Variants in GABBR2 observed in about 807,000 individuals in gnomAD.
GABBR2 encodes G-protein coupled receptor 51.
In GABBR2, 23 loss-of-function variants were observed where a neutral mutation model predicts 105.6. That is an observed-to-expected ratio of 0.22 (90% confidence interval 0.16 to 0.31). The LOEUF is 0.31. GABBR2 is among the 10% of genes least tolerant of loss of function. The probability of loss-of-function intolerance (pLI) is 1.00; values close to 1 mark genes in which losing one functional copy is unlikely to be tolerated. For synonymous variants in GABBR2, 478 were observed against 499.7 expected (o/e 0.96, Z 0.58); for missense variants, 734 against 1,245.5 (o/e 0.59, Z 6.18).
intron 13 of GABBR2, among the ~76,000 whole-genome samples, chr9:98,344,717 G>A (rs1831275109): frequency 1.3e-5 from 2 of 152,144 alleles, no homozygotes; most frequent in South Asian, 4.1e-4. Context: ...GCGCATGGCT[G>A]TTTAATCACT....
intron 1 of GABBR2, among the ~76,000 whole-genome samples, chr9:98,637,475 T>C (rs1462393921): frequency 6.6e-6 from 1 of 152,074 alleles, no homozygotes; most frequent in Non-Finnish European, 1.5e-5. Context: ...TAGATGGCAA[T>C]GGGGAATTAG....
In GABBR2 at chr9:98,528,623, A is replaced by G. The variant is rs979325720; in HGVS notation, c.630+13250T>C. Among the ~76,000 whole-genome samples, 21 of 152,176 alleles carry G rather than the reference A, an allele frequency of 1.4e-4. 1 individual carries two copies. The highest frequency in any genetic ancestry group is 2.0e-4 in the Admixed American group (3 of 15,272). ...GAGCTCTTATAAATCAGTAAAAAAA[A>G]GAACAGTCTAATGGGAAAAAGTGCC... On this transcript the variant is annotated intron_variant, in intron 3 of 18. Coordinates refer to ENST00000259455, the MANE Select transcript of GABBR2 (RefSeq NM_005458.8).
chr9:98,417,997 T>C (rs1213449231), intron 7 of GABBR2, among the ~76,000 whole-genome samples: 1 of 151,450 alleles, frequency 6.6e-6, no homozygotes, highest in Non-Finnish European at 1.5e-5. Context: ...GTGGTGTGCA[T>C]GGGGTGGAGG....
chr9:98,473,590 A>G (rs1237468401), intron 5 of GABBR2, among the ~76,000 whole-genome samples: 1 of 152,202 alleles, frequency 6.6e-6, no homozygotes, highest in African/African-American at 2.4e-5. Context: ...AATATAAATT[A>G]TGTTTCCTGA....
chr9:98,505,843 T>C (rs904394469), intron 3 of GABBR2, among the ~76,000 whole-genome samples: 1 of 152,156 alleles, frequency 6.6e-6, no homozygotes, highest in Admixed American at 6.5e-5. Context: ...ACACCTTCAT[T>C]TAGGACCTCT....
intron 2 of GABBR2, among the ~76,000 whole-genome samples, chr9:98,551,743 G>A (rs1314771338): frequency 6.6e-6 from 1 of 152,164 alleles, no homozygotes. Flanking sequence ...AGAGAGAAGT[G>A]GTGAGCTCAT....
At chr9:98,607,967 C>A in intron 1 of GABBR2, 6 of 1,308,570 alleles carry the variant, frequency 4.6e-6, no homozygotes, top group Non-Finnish European at 6.5e-6. Flanking sequence ...TCCAGCGGCA[C>A]CATGAGCAAA....
intron 3 of GABBR2, among the ~76,000 whole-genome samples, chr9:98,538,020 C>T (rs765902916): frequency 7.9e-5 from 12 of 152,186 alleles, no homozygotes; most frequent in Middle Eastern, 3.2e-3. Context: ...GACCATGGCA[C>T]ATAGGAGGCC....
At chr9:98,652,885 C>A (rs368176394) in intron 1 of GABBR2, among the ~76,000 whole-genome samples, 1 of 152,332 alleles carries the variant, frequency 6.6e-6, no homozygotes, top group South Asian at 2.1e-4. Context: ...ACATTTAAAT[C>A]GCCAGGGAAG....
intron 3 of GABBR2, among the ~76,000 whole-genome samples, chr9:98,514,018 C>A (rs542132903): frequency 6.6e-6 from 1 of 151,792 alleles, no homozygotes; most frequent in East Asian, 1.9e-4. Flanking sequence ...AAATATCCAA[C>A]GATAGACTGG....
In GABBR2 at chr9:98,349,344, G is replaced by GTTTTTTTTTTTTTTTTT. The variant is rs1564026872; in HGVS notation, c.1893+13370_1893+13371insAAAAAAAAAAAAAAAAA. Among the ~76,000 whole-genome samples the GTTTTTTTTTTTTTTTTT allele has an allele frequency of 4.7e-5, 5 of 105,504 alleles. 1 individual carries two copies. Among genetic ancestry groups the GTTTTTTTTTTTTTTTTT allele is most frequent in the Non-Finnish European group, 7.2e-5 (4 of 55,464 alleles). The allele number at this position is 105,504 out of a possible 152,430, so 69.2% of individuals were successfully genotyped here. ...TTTGGTTTGCCAATATTTTGTTGAA[G>GTTTTTTTTTTTTTTTTT]TTTTGTTTTTTTTTTTTTTTTTTTT... On this transcript the variant is annotated intron_variant, in intron 13 of 18. Coordinates refer to ENST00000259455, the MANE Select transcript of GABBR2 (RefSeq NM_005458.8).
chr9:98,349,349 G>GTTT (rs1182072320), intron 13 of GABBR2, among the ~76,000 whole-genome samples: 20 of 24,234 alleles, frequency 8.3e-4, no homozygotes, highest in South Asian at 1.4e-3. Context: ...TTGAAGTTTT[G>GTTT]TTTTTTTTTT....
At chr9:98,333,370 A>G (rs192003552) in intron 13 of GABBR2, among the ~76,000 whole-genome samples, 1 of 152,290 alleles carries the variant, frequency 6.6e-6, no homozygotes, top group Admixed American at 6.5e-5. Context: ...ACAATAGACA[A>G]TTAATCCTTG....
At chr9:98,577,418 G>T (rs947072643) in intron 2 of GABBR2, among the ~76,000 whole-genome samples, 1 of 152,214 alleles carries the variant, frequency 6.6e-6, no homozygotes, top group African/African-American at 2.4e-5. Context: ...TTGGCAAGGA[G>T]ACCAGGAAAG....
At chr9:98,478,543 C>T (rs1826843730) in intron 5 of GABBR2, among the ~76,000 whole-genome samples, 1 of 152,142 alleles carries the variant, frequency 6.6e-6, no homozygotes, top group African/African-American at 2.4e-5. Context: ...TCTCAAAATG[C>T]CAAAACTAAC....
At chr9:98,656,954 C>T (rs145057224) in intron 1 of GABBR2, among the ~76,000 whole-genome samples, 4 of 152,334 alleles carry the variant, frequency 2.6e-5, no homozygotes, top group Admixed American at 6.5e-5. Context: ...AGGTTGCAAA[C>T]GGGTGGCTCT....
intron 1 of GABBR2, among the ~76,000 whole-genome samples, chr9:98,606,435 A>G (rs1829421923): frequency 6.6e-6 from 1 of 151,728 alleles, no homozygotes; most frequent in South Asian, 2.1e-4. Flanking sequence ...GCTTGTAATA[A>G]TGCCTGGCAC....
intron 3 of GABBR2, among the ~76,000 whole-genome samples, chr9:98,509,435 G>C (rs1357065537): frequency 3.9e-5 from 6 of 152,212 alleles, no homozygotes; most frequent in African/African-American, 1.4e-4. Flanking sequence ...ACTTTGACGA[G>C]TTGAGAGAAG....
chr9:98,320,226 A>C (rs1341457417), intron 13 of GABBR2, among the ~76,000 whole-genome samples: 3 of 151,930 alleles, frequency 2.0e-5, no homozygotes, highest in Non-Finnish European at 4.4e-5. Flanking sequence ...CACATGAAAA[A>C]ATGCTCACCA....
Sources: gnomAD v4.1 joint callset for allele counts (sites outside exome capture counted in the v4.1 genomes callset) on GRCh38, gnomAD v4.1.1 for gene constraint, MANE v1.5 for transcripts, NCBI Gene and HGNC (gene_info 2026-07-23, HGNC 2026-07-21) for gene names.